Variants in REG1A observed in about 807,000 individuals in gnomAD.
The protein encoded by REG1A is lithostathine-1-alpha.
REG1A carries 20 observed loss-of-function variants against 20.7 expected under a neutral mutation model. That is an observed-to-expected ratio of 0.97 (90% CI 0.68 to 1.41). The LOEUF is 1.41. REG1A is among the 40% of genes most tolerant of loss of function. REG1A has a pLI of 0.00. For missense variants in REG1A, 193 were observed against 201.8 expected, an observed-to-expected ratio of 0.96 and a Z score of 0.26; for synonymous variants, 90 against 71.6, an observed-to-expected ratio of 1.26 and a Z score of -1.30.
rs763313909 is a variant in REG1A at position 79,120,897 on chromosome 2, C to G, written c.36C>G (p.Ser12=). 1.2e-6 allele frequency: 2 copies of G among 1,613,480 alleles called. No individual in the cohort carries two copies. The highest frequency in any genetic ancestry group is 1.7e-6 in the Non-Finnish European group (2 of 1,179,678). ...AQTSSYFMLI[S]CLMFLSQSQG... ...CCAGCTCATACTTCATGCTGATCTC[C>G]TGCCTGATGTTTCTGTCTCAGAGCC... Residue 12 remains serine, a synonymous_variant, in exon 2 of 6, where the codon TCC becomes TCG. Transcript: ENST00000233735.
rs1044394293 is a variant in REG1A, at chr2:79,120,981, C to A, written c.64+56C>A. On this transcript the variant is annotated intron_variant, in intron 2 of 5. Transcript: ENST00000233735. ...TCTAGCCCTGAAGACTTCACTCTAT[C>A]CCCAAGCATACGGGTCTACTTGAAA... 7.1e-6 allele frequency: 10 copies of A among 1,406,518 alleles called. No homozygotes were observed. The African/African-American group carries it at 1.5e-4, about 21-fold the overall frequency. The allele number at this position is 1,406,518 out of a possible 1,614,324, so 87.1% of individuals were successfully genotyped here. A position where few individuals can be genotyped will look rare whatever the true frequency, so the allele number is the denominator to read the frequency against.
rs1672915939 is a variant in REG1A, at chr2:79,123,283, C to T, written c.*68C>T. On this transcript the variant is annotated 3_prime_UTR_variant, in exon 6 of 6. Coordinates refer to ENST00000233735, the MANE Select transcript of REG1A (RefSeq NM_002909.5). Reference sequence around the variant, plus strand: ...CAACGGAGTCAAAAATTAAACCGGACCATCTCTCCAACTCAACTCAACCTG... The same window carrying T: ...CAACGGAGTCAAAAATTAAACCGGATCATCTCTCCAACTCAACTCAACCTG... 2.0e-6 allele frequency: 2 copies of T among 998,412 alleles called. No individual in the cohort carries two copies. Among genetic ancestry groups the T allele is most frequent in the East Asian group, 4.9e-5 (2 of 40,706 alleles). 61.8% of individuals were successfully genotyped at this position (998,412 alleles called of 1,614,324 possible). A position where few individuals can be genotyped will look rare whatever the true frequency, so the allele number is the denominator to read the frequency against.
At chr2:79,122,349 G>C (rs1429364721) in intron 4 of REG1A, 1 of 522,794 alleles carries the variant, frequency 1.9e-6, no homozygotes, top group Non-Finnish European at 3.3e-6. Context: ...AACTTATTCT[G>C]TTTTCAGTCA....
In REG1A at chr2:79,121,623, C is replaced by T. The variant is rs1244735643; in HGVS notation, c.126C>T (p.Ala42=). Residue 42 remains alanine (A), a synonymous_variant, in exon 3 of 6, where the codon GCC becomes GCT. Transcript: ENST00000233735. ...ARISCPEGTN[A]YRSYCYYFNE... ...TCAGCTGCCCAGAAGGCACCAATGC[C>T]TATCGCTCCTACTGCTACTACTTTA... 1 of 1,614,128 alleles carries T rather than the reference C, an allele frequency of 6.2e-7. No homozygotes were observed. The highest frequency in any genetic ancestry group is 1.1e-5 in the South Asian group (1 of 91,088).
intron 4 of REG1A, 167 bp downstream of exon 4, chr2:79,122,292 A>G (rs761909848): frequency 2.1e-5 from 14 of 653,422 alleles, no homozygotes; most frequent in African/African-American, 9.2e-5. Flanking sequence ...GATTGGAGAT[A>G]TAAGTGGAAG....
At position 79,120,882 on chromosome 2, in the gene REG1A, C is replaced by T. The variant is rs1672872754; in HGVS notation, c.21C>T (p.Tyr7=). The change falls in exon 2 of 6, where the codon TAC becomes TAT. Residue 7 remains tyrosine (Y), a synonymous_variant. Coordinates refer to ENST00000233735, the MANE Select transcript of REG1A (RefSeq NM_002909.5). ...TCAGCATGGCTCAGACCAGCTCATA[C>T]TTCATGCTGATCTCCTGCCTGATGT... MAQTSS[Y]FMLISCLMFL... The T allele has an allele frequency of 7.4e-6, 12 of 1,613,364 alleles. No individual in the cohort carries two copies. Among genetic ancestry groups the T allele is most frequent in the South Asian group, 1.1e-5 (1 of 91,012 alleles).
chr2:79,121,003 GAAAA>G (rs11339710), intron 2 of REG1A, 78 bp downstream of exon 2: 349 of 719,088 alleles, frequency 4.9e-4, no homozygotes, highest in South Asian at 1.2e-3. Context: ...GGGTCTACTT[GAAAA>G]AAAAAAAAAA....
intron 4 of REG1A, among the ~76,000 whole-genome samples, chr2:79,122,459 A>G (rs1339569174): frequency 6.6e-6 from 1 of 152,200 alleles, no homozygotes; most frequent in Admixed American, 6.5e-5. Context: ...GACTTGTGGT[A>G]AAAATCTGCT....
intron 4 of REG1A, 77 bp downstream of exon 4, chr2:79,122,202 G>A: frequency 1.3e-6 from 2 of 1,484,556 alleles, no homozygotes; most frequent in Non-Finnish European, 1.8e-6. Flanking sequence ...GGTCTCTTAA[G>A]TACCAGCTTT....
At chr2:79,121,005 A>T in intron 2 of REG1A, 80 bp downstream of exon 2, 2 of 151,478 alleles carry the variant, frequency 1.3e-5, no homozygotes, top group Non-Finnish European at 1.7e-5. Context: ...GTCTACTTGA[A>T]AAAAAAAAAA....
rs1298915496 is a variant in REG1A, at chr2:79,120,873, C to T, written c.12C>T (p.Thr4=). 6.2e-7 allele frequency: 1 copy of T among 1,612,002 alleles called. No homozygotes were observed. The highest frequency in any genetic ancestry group is 8.5e-7 in the Non-Finnish European group (1 of 1,178,864). ...CATTGCAGCTCAGCATGGCTCAGAC[C>T]AGCTCATACTTCATGCTGATCTCCT... The part of the protein sequence containing the change: MAQ[T]SSYFMLISCL... Residue 4 remains threonine, a synonymous_variant, in exon 2 of 6, where the codon ACC becomes ACT. Coordinates refer to ENST00000233735, the MANE Select transcript of REG1A (RefSeq NM_002909.5).
intron 2 of REG1A, 136 bp from the exon 3 acceptor site, chr2:79,121,426 A>C (rs186323931): frequency 4.2e-6 from 3 of 720,604 alleles, no homozygotes; most frequent in African/African-American, 3.5e-5. Context: ...TGTAGGATGC[A>C]GGAGCAATAG....
rs200685695 is a variant in REG1A at position 79,122,848 on chromosome 2, G to A, written c.329G>A (p.Arg110His). Reference sequence around the variant, plus strand: ...TGGCCCTTCCCCATCTAGAACCGCCGCTGGCACTGGAGCAGTGGGTCCCTG... The same window carrying A: ...TGGCCCTTCCCCATCTAGAACCGCCACTGGCACTGGAGCAGTGGGTCCCTG... ...IGLHDPKKNR[R>H]WHWSSGSLVS... The change falls in exon 5 of 6, where the codon CGC (arginine) becomes CAC (histidine). Residue 110 changes from arginine to histidine, a missense_variant. Physicochemically the swap from Arg to His is conservative, Grantham distance 29. Transcript: ENST00000233735. 9.2e-5 allele frequency: 149 copies of A among 1,612,796 alleles called. No individual in the cohort carries two copies. Among genetic ancestry groups the A allele is most frequent in the Non-Finnish European group, 1.2e-4 (136 of 1,179,820 alleles).
In REG1A at chr2:79,122,068, T is replaced by C. The variant is rs1043003676; in HGVS notation, c.264T>C (p.Ile88=). ...AGGGTGCCTTTGTGGCCTCACTGAT[T>C]AAGGAGAGTGGCACTGATGACTTCA... is the stretch of plus-strand genomic sequence containing the variant. The part of the protein sequence containing the change: ...QAEGAFVASL[I]KESGTDDFNV... Residue 88 remains isoleucine (I), a synonymous_variant, in exon 4 of 6, where the codon ATT becomes ATC. Transcript: ENST00000233735. 4.3e-6 allele frequency: 7 copies of C among 1,613,944 alleles called. No individual in the cohort carries two copies. The African/African-American group carries it at 9.3e-5, about 22-fold the overall frequency.
intron 3 of REG1A, 78 bp from the exon 4 acceptor site, chr2:79,121,910 G>T: frequency 1.3e-6 from 2 of 1,575,494 alleles, no homozygotes; most frequent in South Asian, 2.3e-5. Context: ...TCCTTTTTCT[G>T]ACCCGTCCTC....
intron 1 of REG1A, 111 bp downstream of exon 1, chr2:79,120,625 C>T (rs1300886738): frequency 5.1e-6 from 2 of 393,228 alleles, no homozygotes; most frequent in Non-Finnish European, 9.0e-6. Flanking sequence ...GTAATGAAGC[C>T]TCAGTGGGAT....
In REG1A at chr2:79,120,792, C is replaced by T. The variant is rs1672871112; in HGVS notation, c.-46-24C>T. 1.6e-6 allele frequency: 2 copies of T among 1,232,308 alleles called. 1 individual carries two copies. Among genetic ancestry groups the T allele is most frequent in the African/African-American group, 3.0e-5 (2 of 66,212 alleles). The allele number at this position is 1,232,308 out of a possible 1,614,324, so 76.3% of individuals were successfully genotyped here. ...TGCTTTGCTCTCCATCTCTCAGAAC[C>T]CCCTTCTCTGTGTTCTCCTATAGAG... On this transcript the variant is annotated intron_variant, in intron 1 of 5. Coordinates refer to ENST00000233735, the MANE Select transcript of REG1A (RefSeq NM_002909.5).
At chr2:79,123,121 G>A in intron 5 of REG1A, 27 bp from the exon 6 acceptor site, 1 of 1,589,010 alleles carries the variant, frequency 6.3e-7, no homozygotes, top group Admixed American at 1.7e-5. Context: ...GGGTCTCCCA[G>A]TTGTAACTCT....
chr2:79,123,260 A>C lies in REG1A; in HGVS notation c.*45A>C. ...GTCTAGAACTGATCCAGCAATTACAACGGAGTCAAAAATTAAACCGGACCA... is the reference window on the plus strand; with the variant it reads ...GTCTAGAACTGATCCAGCAATTACACCGGAGTCAAAAATTAAACCGGACCA... On this transcript the variant is annotated 3_prime_UTR_variant, in exon 6 of 6. Coordinates refer to ENST00000233735, the MANE Select transcript of REG1A (RefSeq NM_002909.5). 1 of 1,294,564 alleles carries C rather than the reference A, an allele frequency of 7.7e-7. No individual in the cohort carries two copies. Among genetic ancestry groups the C allele is most frequent in the Non-Finnish European group, 1.1e-6 (1 of 907,650 alleles). The allele number at this position is 1,294,564 out of a possible 1,614,324, so 80.2% of individuals were successfully genotyped here.
Sources: gnomAD v4.1 joint callset for allele counts (sites outside exome capture counted in the v4.1 genomes callset) on GRCh38, gnomAD v4.1.1 for gene constraint, MANE v1.5 for transcripts, NCBI Gene and HGNC (gene_info 2026-07-23, HGNC 2026-07-21) for gene names.